The following BRINP3 variants were observed in gnomAD, a reference collection of about 807,000 sequenced individuals.
The protein encoded by BRINP3 is BMP/retinoic acid-inducible neural-specific protein 3.
A neutral mutation model predicts 71.0 loss-of-function variants in BRINP3; 19 were observed. The ratio of observed to expected loss-of-function variants is 0.27; its 90% CI spans 0.19 to 0.39. BRINP3 has a LOEUF of 0.39. Ranked by LOEUF, BRINP3 falls within the 10% of genes least tolerant of loss-of-function variation. The pLI is 1.00. For missense variants in BRINP3, 959 were observed against 940.8 expected (o/e 1.02, Z -0.25); for synonymous variants, 380 against 337.7 (o/e 1.13, Z -1.37).
At position 190,136,561 on chromosome 1, in the gene BRINP3, T is replaced by C. The variant is rs138609155; in HGVS notation, c.1184+24107A>G. 3.7e-3 allele frequency among the ~76,000 whole-genome samples: 569 copies of C among 152,260 alleles called. 3 individuals are homozygous for C. Among genetic ancestry groups the C allele is most frequent in the African/African-American group, 0.013 (542 of 41,574 alleles). ...GAATAATCTTGTTTGTCCAAATTTT[T>C]AACTTAAAACAATGCTTCAGCTATT... On this transcript the variant is annotated intron_variant, in intron 7 of 7. Transcript: ENST00000367462.
intron 7 of BRINP3, among the ~76,000 whole-genome samples, chr1:190,147,512 A>G (rs1227756821): frequency 6.6e-6 from 1 of 152,200 alleles, no homozygotes; most frequent in Admixed American, 6.5e-5. Context: ...TAAAATATCA[A>G]TTCACTAAGC....
chr1:190,161,977 T>C lies in BRINP3; in HGVS notation c.962-1087A>G, dbSNP rs1651023198. On this transcript the variant is annotated intron_variant, in intron 6 of 7. Coordinates refer to ENST00000367462, the MANE Select transcript of BRINP3 (RefSeq NM_199051.3). ...AACAATTCACAGTGAATTATATTCATGAACATTGGGTTTATTTTTCCTAGA... is the reference window on the plus strand; with the variant it reads ...AACAATTCACAGTGAATTATATTCACGAACATTGGGTTTATTTTTCCTAGA... Among the ~76,000 whole-genome samples the C allele has an allele frequency of 2.0e-5, 3 of 152,134 alleles. No homozygotes were observed. The South Asian group carries it at 6.2e-4, about 31-fold the overall frequency.
chr1:190,193,236 T>TA lies in BRINP3; in HGVS notation c.962-32347dup, dbSNP rs921100993. Among the ~76,000 whole-genome samples, 30 of 151,030 alleles carry TA rather than the reference T, an allele frequency of 2.0e-4. No homozygotes were observed. In the South Asian group the frequency reaches 2.5e-3, roughly 13 times the overall value. On this transcript the variant is annotated intron_variant, in intron 6 of 7. Transcript: ENST00000367462. The stretch of plus-strand genomic sequence containing the variant: ...AGAAATGAGGAGGTGTTTGTGATAT[T>TA]AAAAAAAAATAGTCATACAAAGTAG...
At chr1:190,332,974 G>T (rs557254228) in intron 2 of BRINP3, among the ~76,000 whole-genome samples, 3 of 151,120 alleles carry the variant, frequency 2.0e-5, no homozygotes, top group Non-Finnish European at 2.9e-5. Flanking sequence ...CATCTGTTTT[G>T]CACTTAGAAT....
chr1:190,442,705 T>C (rs1674910481), intron 2 of BRINP3, among the ~76,000 whole-genome samples: 1 of 151,568 alleles, frequency 6.6e-6, no homozygotes, highest in African/African-American at 2.4e-5. Context: ...ATGTGTGTGG[T>C]TACTTTGTGT....
At chr1:190,237,891 T>C (rs1288386274) in intron 4 of BRINP3, among the ~76,000 whole-genome samples, 2 of 152,058 alleles carry the variant, frequency 1.3e-5, no homozygotes, top group Admixed American at 1.3e-4. Flanking sequence ...ACTTTCCATC[T>C]GAAATCAATT....
At chr1:190,178,963 T>C (rs1349963449) in intron 6 of BRINP3, among the ~76,000 whole-genome samples, 2 of 152,160 alleles carry the variant, frequency 1.3e-5, no homozygotes, top group Non-Finnish European at 2.9e-5. Flanking sequence ...CAATATATTC[T>C]AAACTGAGCA....
intron 1 of BRINP3, among the ~76,000 whole-genome samples, chr1:190,471,402 T>A (rs906195103): frequency 2.0e-5 from 3 of 151,256 alleles, no homozygotes; most frequent in Admixed American, 1.3e-4. Context: ...TCAATAATAT[T>A]CACATAGATT....
At position 190,460,595 on chromosome 1, in the gene BRINP3, G is replaced by C. The variant is rs529490257; in HGVS notation, c.-50-5655C>G. On this transcript the variant is annotated intron_variant, in intron 1 of 7. Coordinates refer to ENST00000367462, the MANE Select transcript of BRINP3 (RefSeq NM_199051.3). ...AAATATCATGATAAGTTTTGAGACA[G>C]AGGTGGGCCTTAAGTCTTAATAAAG... 1.8e-4 allele frequency among the ~76,000 whole-genome samples: 27 copies of C among 152,262 alleles called. No individual in the cohort carries two copies. The South Asian group carries it at 5.6e-3, about 32-fold the overall frequency.
In BRINP3 at chr1:190,367,875, T is replaced by G. The variant is rs566384802; in HGVS notation, c.237-86125A>C. Among the ~76,000 whole-genome samples the G allele has an allele frequency of 2.0e-5, 3 of 152,248 alleles. No individual in the cohort carries two copies. In the Middle Eastern group the frequency reaches 0.01, roughly 518 times the overall value. On this transcript the variant is annotated intron_variant, in intron 2 of 7. Coordinates refer to ENST00000367462, the MANE Select transcript of BRINP3 (RefSeq NM_199051.3). ...CATTTTGGTCAAAGCCATTCAACAATCTCTAGGAAGTTCCAAACTTTCCCA... is the reference window on the plus strand; with the variant it reads ...CATTTTGGTCAAAGCCATTCAACAAGCTCTAGGAAGTTCCAAACTTTCCCA...
At chr1:190,398,583 T>C (rs1197984585) in intron 2 of BRINP3, among the ~76,000 whole-genome samples, 1 of 152,014 alleles carries the variant, frequency 6.6e-6, no homozygotes, top group Non-Finnish European at 1.5e-5. Context: ...GCAAATAGGC[T>C]AAATAAGCAA....
chr1:190,404,866 T>C (rs1672159675), intron 2 of BRINP3, among the ~76,000 whole-genome samples: 1 of 152,156 alleles, frequency 6.6e-6, no homozygotes, highest in Non-Finnish European at 1.5e-5. Context: ...TGAGATTGAG[T>C]TTTATTAACT....
At position 190,098,909 on chromosome 1, in the gene BRINP3, G is replaced by T; in HGVS notation, c.1410C>A (p.Ser470Arg). 6.2e-7 allele frequency: 1 copy of T among 1,614,160 alleles called. No individual in the cohort carries two copies. Among genetic ancestry groups the T allele is most frequent in the East Asian group, 2.2e-5 (1 of 44,870 alleles). The change falls in exon 8 of 8, where the codon AGC becomes AGA. Residue 470 changes from serine to arginine, a missense_variant. By Grantham distance (110) the Ser-to-Arg change is moderately radical. Coordinates refer to ENST00000367462, the MANE Select transcript of BRINP3 (RefSeq NM_199051.3). Reference protein sequence around the residue: ...CGTCNTGYMLSQGLCKPEVAE... With the variant: ...CGTCNTGYMLRQGLCKPEVAE... ...CGACTTCAGGCTTGCAGAGCCCCTG[G>T]CTGAGCATGTAGCCGGTGTTGCAGG... is the stretch of plus-strand genomic sequence containing the variant.
intron 6 of BRINP3, among the ~76,000 whole-genome samples, chr1:190,198,834 C>T (rs1013941130): frequency 2.0e-5 from 3 of 152,198 alleles, no homozygotes; most frequent in Non-Finnish European, 4.4e-5. Context: ...TCCCTCCAAA[C>T]TCTTCCAACT....
chr1:190,290,865 G>A (rs1663808150), intron 2 of BRINP3, among the ~76,000 whole-genome samples: 1 of 151,726 alleles, frequency 6.6e-6, no homozygotes, highest in African/African-American at 2.4e-5. Context: ...AAAGGTGGCT[G>A]TTACTGGTAA....
chr1:190,311,403 G>T (rs757150257), intron 2 of BRINP3, among the ~76,000 whole-genome samples: 1 of 151,528 alleles, frequency 6.6e-6, no homozygotes, highest in Non-Finnish European at 1.5e-5. Flanking sequence ...AGTGTGAAAG[G>T]CAGAATGTAA....
rs1235593350 is a variant in BRINP3, at chr1:190,370,713, T to G, written c.236+83942A>C. Among the ~76,000 whole-genome samples the G allele has an allele frequency of 2.0e-5, 3 of 152,196 alleles. No homozygotes were observed. The East Asian group carries it at 5.8e-4, about 29-fold the overall frequency. ...AAGCCTGTGCCTCCTGCCACAGAAC[T>G]AGAACCTGCCACTGACCTTTGCAGC... On this transcript the variant is annotated intron_variant, in intron 2 of 7. Coordinates refer to ENST00000367462, the MANE Select transcript of BRINP3 (RefSeq NM_199051.3).
At chr1:190,460,804 C>T (rs886486043) in intron 1 of BRINP3, among the ~76,000 whole-genome samples, 1 of 152,146 alleles carries the variant, frequency 6.6e-6, no homozygotes, top group Non-Finnish European at 1.5e-5. Flanking sequence ...AATTTTTAAG[C>T]CTAAACATGA....
At chr1:190,176,134 T>G (rs1427561630) in intron 6 of BRINP3, among the ~76,000 whole-genome samples, 1 of 152,170 alleles carries the variant, frequency 6.6e-6, no homozygotes, top group Non-Finnish European at 1.5e-5. Context: ...AGTATAATAC[T>G]TTGTAGGCAT....
Sources: allele counts gnomAD v4.1 joint callset (sites outside exome capture counted in the v4.1 genomes callset), GRCh38; gene constraint gnomAD v4.1.1; transcripts MANE v1.5; gene names NCBI Gene and HGNC (gene_info 2026-07-23, HGNC 2026-07-21).